Variants in PHACTR3 observed in about 807,000 individuals in gnomAD.
PHACTR3 encodes the protein phosphatase and actin regulator 3, also known as protein phosphatase 1, regulatory subunit 123.
PHACTR3 carries 16 observed loss-of-function variants against 66.8 expected under a neutral mutation model. That is an observed-to-expected ratio of 0.24 (90% confidence interval 0.16 to 0.36). The LOEUF is 0.36. PHACTR3 is among the 10% of genes least tolerant of loss of function. PHACTR3 has a pLI of 1.00. For synonymous variants in PHACTR3, 323 were observed against 292.1 expected, an observed-to-expected ratio of 1.11 and a Z score of -1.08; for missense variants, 647 against 719.9, an observed-to-expected ratio of 0.90 and a Z score of 1.16.
At chr20:59,661,892 C>T (rs1464916683) in intron 1 of PHACTR3, among the ~76,000 whole-genome samples, 4 of 152,010 alleles carry the variant, frequency 2.6e-5, no homozygotes, top group Non-Finnish European at 4.4e-5. Context: ...ACAGGGTGAC[C>T]GCTAGTGGCA....
At chr20:59,668,584 C>T (rs2036078794) in intron 1 of PHACTR3, among the ~76,000 whole-genome samples, 1 of 152,198 alleles carries the variant, frequency 6.6e-6, no homozygotes, top group African/African-American at 2.4e-5. Context: ...CTCTATGGGA[C>T]CCTTTGTCCA....
chr20:59,638,243 T>C (rs1436687811), intron 1 of PHACTR3, among the ~76,000 whole-genome samples: 1 of 152,222 alleles, frequency 6.6e-6, no homozygotes, highest in Non-Finnish European at 1.5e-5. Context: ...GTTGTAGCTA[T>C]GTTAGATGGA....
intron 1 of PHACTR3, among the ~76,000 whole-genome samples, chr20:59,691,211 C>G (rs1449327444): frequency 8.5e-5 from 13 of 152,192 alleles, no homozygotes; most frequent in Non-Finnish European, 1.0e-4. Flanking sequence ...GGTGTCCTGG[C>G]GGAGACCTTG....
At chr20:59,724,861 G>C (rs1189915919) in intron 1 of PHACTR3, among the ~76,000 whole-genome samples, 2 of 152,228 alleles carry the variant, frequency 1.3e-5, no homozygotes, top group Non-Finnish European at 2.9e-5. Flanking sequence ...TGCCAGGTAG[G>C]TATGTGCTCA....
intron 7 of PHACTR3, among the ~76,000 whole-genome samples, chr20:59,789,010 A>G (rs888784371): frequency 6.6e-6 from 1 of 152,256 alleles, no homozygotes; most frequent in Non-Finnish European, 1.5e-5. Context: ...GCCTCTGGCC[A>G]TGATGAAGCG....
rs762043267 is a variant in PHACTR3, at chr20:59,830,032, C to T, written c.1329-6473C>T. Among the ~76,000 whole-genome samples the T allele has an allele frequency of 1.7e-4, 26 of 152,176 alleles. No homozygotes were observed. The highest frequency in any genetic ancestry group is 2.9e-4 in the Non-Finnish European group (20 of 68,050). Reference sequence around the variant, plus strand: ...CTGCTGTGCTCATCATGCAGGAAGGCAGTCAGCTGAGCAGTGTGTGCAGAG... The same window carrying T: ...CTGCTGTGCTCATCATGCAGGAAGGTAGTCAGCTGAGCAGTGTGTGCAGAG... On this transcript the variant is annotated intron_variant, in intron 8 of 12. Transcript: ENST00000371015. The surrounding 1 kb of genome is among the most constrained non-coding windows in gnomAD (Gnocchi z 5.8).
intron 1 of PHACTR3, among the ~76,000 whole-genome samples, chr20:59,740,334 G>C (rs2039108641): frequency 6.6e-6 from 1 of 151,818 alleles, no homozygotes; most frequent in African/African-American, 2.4e-5. Flanking sequence ...TAGAGACAGG[G>C]TCTCTCTCTC....
chr20:59,789,896 G>C (rs1434324107), intron 7 of PHACTR3, among the ~76,000 whole-genome samples: 1 of 152,184 alleles, frequency 6.6e-6, no homozygotes, highest in South Asian at 2.1e-4. Flanking sequence ...CAGGATCCAC[G>C]ACTGCCAATC....
At chr20:59,768,092 C>T (rs1281338017) in intron 5 of PHACTR3, among the ~76,000 whole-genome samples, 1 of 152,214 alleles carries the variant, frequency 6.6e-6, no homozygotes, top group Non-Finnish European at 1.5e-5. Context: ...CACAGCTGGA[C>T]AGAGGCCCCC....
intron 4 of PHACTR3, among the ~76,000 whole-genome samples, chr20:59,765,280 G>A (rs958070871): frequency 4.6e-5 from 7 of 152,174 alleles, no homozygotes; most frequent in African/African-American, 1.7e-4. Context: ...TTTTTAACAA[G>A]TAACACTTTT....
At position 59,829,718 on chromosome 20, in the gene PHACTR3, G is replaced by A. The variant is rs1290915748; in HGVS notation, c.1329-6787G>A. ...GAAAGGAGCCTCCCAAAATAGCCCG[G>A]GCGTCCCCTGTGGGTGTCGAGCTGT... On this transcript the variant is annotated intron_variant, in intron 8 of 12. Transcript: ENST00000371015. The surrounding 1 kb of genome is among the most constrained non-coding windows in gnomAD (Gnocchi z 4.2). Among the ~76,000 whole-genome samples the A allele has an allele frequency of 6.6e-6, 1 of 152,264 alleles. No homozygotes were observed. The highest frequency in any genetic ancestry group is 2.4e-5 in the African/African-American group (1 of 41,474).
intron 8 of PHACTR3, among the ~76,000 whole-genome samples, chr20:59,835,436 T>A (rs2042499016): frequency 6.6e-6 from 1 of 152,156 alleles, no homozygotes; most frequent in Non-Finnish European, 1.5e-5. Context: ...CTAGGCTTTC[T>A]GCTGGGACAA....
intron 5 of PHACTR3, among the ~76,000 whole-genome samples, chr20:59,769,893 CTG>C (rs969463628): frequency 7.2e-5 from 11 of 152,248 alleles, no homozygotes; most frequent in African/African-American, 2.4e-4. Flanking sequence ...TGAGGCAAAA[CTG>C]TGCTACTTTG....
At chr20:59,724,982 G>C (rs2038505730) in intron 1 of PHACTR3, among the ~76,000 whole-genome samples, 1 of 152,040 alleles carries the variant, frequency 6.6e-6, no homozygotes, top group African/African-American at 2.4e-5. Context: ...GTGAGGCTGT[G>C]AGCCCAGGTG....
intron 1 of PHACTR3, among the ~76,000 whole-genome samples, chr20:59,654,529 T>A (rs1398390158): frequency 1.3e-5 from 2 of 152,166 alleles, no homozygotes; most frequent in Non-Finnish European, 2.9e-5. Flanking sequence ...CCAGAAGTTA[T>A]ATGCCTCCTA....
upstream of PHACTR3, among the ~76,000 whole-genome samples, chr20:59,601,523 G>C (rs1424704494): frequency 3.3e-5 from 5 of 152,276 alleles, no homozygotes; most frequent in South Asian, 8.3e-4. Flanking sequence ...AACCTGTTGT[G>C]GGCCCTCAAG....
intron 8 of PHACTR3, among the ~76,000 whole-genome samples, chr20:59,826,594 C>G (rs1417356399): frequency 6.6e-6 from 1 of 151,956 alleles, no homozygotes; most frequent in Non-Finnish European, 1.5e-5. Context: ...CACACCTGCT[C>G]TCTCTGTACA....
At chr20:59,808,393 T>C (rs1032384630) in intron 8 of PHACTR3, among the ~76,000 whole-genome samples, 13 of 152,126 alleles carry the variant, frequency 8.5e-5, no homozygotes, top group Non-Finnish European at 1.5e-4. Context: ...TCGTGTGCGG[T>C]AGGAGAGGAA....
chr20:59,629,017 G>A (rs1042083236), intron 1 of PHACTR3, among the ~76,000 whole-genome samples: 1 of 152,202 alleles, frequency 6.6e-6, no homozygotes, highest in East Asian at 1.9e-4. Flanking sequence ...AGGCCTTAGC[G>A]AATTCCACCA....
Sources: allele counts gnomAD v4.1 joint callset (sites outside exome capture counted in the v4.1 genomes callset), GRCh38; gene constraint gnomAD v4.1.1; non-coding constraint Gnocchi (gnomAD v3.1); transcripts MANE v1.5; gene names NCBI Gene and HGNC (gene_info 2026-07-23, HGNC 2026-07-21).